ST6GALNAC5: variants seen among roughly 807,000 people sequenced by gnomAD.
The protein encoded by ST6GALNAC5 is ST6 N-acetylgalactosaminide alpha-2,6-sialyltransferase 5.
ST6GALNAC5 carries 27 observed loss-of-function variants against 33.6 expected under a neutral mutation model. The observed-to-expected ratio is 0.80, with a 90% CI of 0.59 to 1.11. ST6GALNAC5 has a LOEUF of 1.11. Among genes scored for constraint, ST6GALNAC5 ranks in the 50% least tolerant of loss-of-function variants. The probability of loss-of-function intolerance (pLI) is 0.00; values close to 1 mark genes in which losing one functional copy is unlikely to be tolerated. For synonymous variants in ST6GALNAC5, 194 were observed against 171.2 expected (o/e 1.13, Z -1.04); for missense variants, 428 against 454.0 (o/e 0.94, Z 0.52).
At chr1:77,047,517 T>C (rs565953310) in intron 3 of ST6GALNAC5, among the ~76,000 whole-genome samples, 3 of 152,206 alleles carry the variant, frequency 2.0e-5, no homozygotes, top group African/African-American at 7.2e-5. Context: ...TTGTGATTGA[T>C]AGAAGTTTCA....
chr1:76,870,052 ATTAT>A (rs112133340), intron 2 of ST6GALNAC5, among the ~76,000 whole-genome samples: 6 of 152,056 alleles, frequency 3.9e-5, no homozygotes, highest in Non-Finnish European at 8.8e-5. Flanking sequence ...TTAGGAAGTG[ATTAT>A]TTATTTATTT....
chr1:76,932,106 G>A (rs1207349666), intron 2 of ST6GALNAC5, among the ~76,000 whole-genome samples: 1 of 152,110 alleles, frequency 6.6e-6, no homozygotes, highest in African/African-American at 2.4e-5. Context: ...AGAAGTAGCG[G>A]TGAAATATTC....
intron 2 of ST6GALNAC5, among the ~76,000 whole-genome samples, chr1:76,891,121 CAT>C (rs1654003783): frequency 6.6e-6 from 1 of 152,132 alleles, no homozygotes; most frequent in Non-Finnish European, 1.5e-5. Flanking sequence ...ATTGCTGTAT[CAT>C]ATGGTAACCT....
intron 2 of ST6GALNAC5, among the ~76,000 whole-genome samples, chr1:76,995,887 A>T (rs1189923501): frequency 1.3e-5 from 2 of 152,202 alleles, no homozygotes; most frequent in Non-Finnish European, 2.9e-5. Flanking sequence ...CATTCCCACG[A>T]CTAGCATGGA....
In ST6GALNAC5 at chr1:77,061,842, G is replaced by A. The variant is rs1279409858; in HGVS notation, c.780-1133G>A. ...TTGAAGAAATGAGCCAGTACTTCCT[G>A]TTTGAGGCTGAGACAGAGATATAGA... On this transcript the variant is annotated intron_variant, in intron 4 of 4. Transcript: ENST00000477717. Among the ~76,000 whole-genome samples the A allele has an allele frequency of 2.0e-5, 3 of 152,288 alleles. No homozygotes were observed. In the East Asian group the frequency reaches 5.8e-4, roughly 29 times the overall value.
chr1:77,018,204 A>G (rs1274156295), intron 2 of ST6GALNAC5, among the ~76,000 whole-genome samples: 1 of 152,220 alleles, frequency 6.6e-6, no homozygotes, highest in Non-Finnish European at 1.5e-5. Flanking sequence ...CACCCTTTAG[A>G]AAAATTCTGG....
At chr1:76,950,926 TA>T (rs569839349) in intron 2 of ST6GALNAC5, among the ~76,000 whole-genome samples, 121 of 152,078 alleles carry the variant, frequency 8.0e-4, no homozygotes, top group African/African-American at 2.9e-3. Flanking sequence ...GGAATGTGAC[TA>T]ATCTCACGAA....
chr1:76,915,284 G>T (rs1646958683), intron 2 of ST6GALNAC5, among the ~76,000 whole-genome samples: 1 of 151,860 alleles, frequency 6.6e-6, no homozygotes, highest in Non-Finnish European at 1.5e-5. Flanking sequence ...AGTCAGTGTG[G>T]CGATTCCTCA....
intron 2 of ST6GALNAC5, among the ~76,000 whole-genome samples, chr1:76,898,550 C>T (rs1646781846): frequency 6.6e-6 from 1 of 152,080 alleles, no homozygotes. Context: ...GGGTCTAGGG[C>T]TGTAAAGAGT....
chr1:77,062,219 A>G (rs1652601622), intron 4 of ST6GALNAC5, among the ~76,000 whole-genome samples: 1 of 152,232 alleles, frequency 6.6e-6, no homozygotes, highest in Non-Finnish European at 1.5e-5. Flanking sequence ...CACTGCCCTC[A>G]TGAACACCCA....
In ST6GALNAC5 at chr1:76,872,270, G is replaced by A. The variant is rs148772446; in HGVS notation, c.261+3528G>A. On this transcript the variant is annotated intron_variant, in intron 2 of 4. Coordinates refer to ENST00000477717, the MANE Select transcript of ST6GALNAC5 (RefSeq NM_030965.3). ...CTGGTAGACCCTGTGAAATGAAACC[G>A]TGAGCTAATTCCCATTTCTAGAGGA... Among the ~76,000 whole-genome samples, 261 of 152,208 alleles carry A rather than the reference G, an allele frequency of 1.7e-3. 1 individual carries two copies. Among genetic ancestry groups the A allele is most frequent in the African/African-American group, 5.9e-3 (247 of 41,518 alleles).
intron 2 of ST6GALNAC5, among the ~76,000 whole-genome samples, chr1:77,023,412 G>A (rs940942498): frequency 6.6e-6 from 1 of 152,182 alleles, no homozygotes; most frequent in Non-Finnish European, 1.5e-5. Flanking sequence ...CTTAGTTTCA[G>A]GGCCACCGGC....
intron 2 of ST6GALNAC5, among the ~76,000 whole-genome samples, chr1:76,872,075 AC>A (rs1273843555): frequency 6.8e-4 from 68 of 100,724 alleles, no homozygotes; most frequent in African/African-American, 3.4e-3. Context: ...GCTAACACAC[AC>A]ACACACACAC....
chr1:77,018,253 T>G (rs1650925253), intron 2 of ST6GALNAC5, among the ~76,000 whole-genome samples: 1 of 152,204 alleles, frequency 6.6e-6, no homozygotes, highest in Admixed American at 6.5e-5. Flanking sequence ...ACCCCCATTT[T>G]TGCTTCTAAG....
chr1:76,933,170 T>C (rs1217646240), intron 2 of ST6GALNAC5, among the ~76,000 whole-genome samples: 1 of 152,058 alleles, frequency 6.6e-6, no homozygotes, highest in Non-Finnish European at 1.5e-5. Context: ...TCTAGGGAAA[T>C]GGTCTATAAA....
intron 2 of ST6GALNAC5, among the ~76,000 whole-genome samples, chr1:77,011,186 C>T (rs867291085): frequency 4.6e-5 from 7 of 152,152 alleles, no homozygotes; most frequent in Non-Finnish European, 7.3e-5. Context: ...AGGACAATGA[C>T]GATGAGGCTA....
At chr1:76,987,294 T>TC (rs1296234260) in intron 2 of ST6GALNAC5, among the ~76,000 whole-genome samples, 2 of 152,148 alleles carry the variant, frequency 1.3e-5, no homozygotes, top group African/African-American at 4.8e-5. Context: ...TCAACCAACA[T>TC]TTCTCCAAAG....
At chr1:77,026,831 ATG>A (rs1651257503) in intron 2 of ST6GALNAC5, among the ~76,000 whole-genome samples, 1 of 146,922 alleles carries the variant, frequency 6.8e-6, no homozygotes. Context: ...GAATGAATGA[ATG>A]AATGAAAATG....
chr1:76,890,828 T>C (rs1295107401), intron 2 of ST6GALNAC5, among the ~76,000 whole-genome samples: 1 of 152,152 alleles, frequency 6.6e-6, no homozygotes, highest in Admixed American at 6.5e-5. Context: ...AAGATTTTTT[T>C]CATATACATT....
Sources: allele counts gnomAD v4.1 joint callset (sites outside exome capture counted in the v4.1 genomes callset), GRCh38; gene constraint gnomAD v4.1.1; transcripts MANE v1.5; gene names NCBI Gene and HGNC (gene_info 2026-07-23, HGNC 2026-07-21).